DNAH6: variants seen among roughly 807,000 people sequenced by gnomAD.
DNAH6 encodes axonemal beta dynein heavy chain 6.
Under a neutral mutation model 491.4 loss-of-function variants are expected in DNAH6, and 340 were observed. The observed-to-expected ratio is 0.69, with a 90% CI of 0.63 to 0.76. The LOEUF (loss-of-function observed/expected upper bound fraction) is 0.76. Among genes scored for constraint, DNAH6 ranks in the 30% least tolerant of loss-of-function variants. DNAH6 has a pLI of 0.00. For synonymous variants in DNAH6, 1,603 were observed against 1,686.1 expected (o/e 0.95, Z 1.21); for missense variants, 4,443 against 4,972.2 (o/e 0.89, Z 3.20).
At chr2:84,620,045 C>G in intron 24 of DNAH6, 141 bp downstream of exon 24, 1 of 697,934 alleles carries the variant, frequency 1.4e-6, no homozygotes, top group Non-Finnish European at 2.4e-6. Context: ...TCAAAGAGCT[C>G]AAAGTCTAAC....
chr2:84,603,026 A>G (rs1004762105), intron 18 of DNAH6, among the ~76,000 whole-genome samples: 8 of 151,508 alleles, frequency 5.3e-5, no homozygotes, highest in Non-Finnish European at 7.4e-5. Flanking sequence ...TATCTTTTCC[A>G]TTAGAACCTT....
intron 33 of DNAH6, among the ~76,000 whole-genome samples, chr2:84,643,233 A>G (rs1012140327): frequency 1.3e-5 from 2 of 151,642 alleles, no homozygotes; most frequent in Non-Finnish European, 2.9e-5. Flanking sequence ...GTCAAATGTA[A>G]TTCTTATCTT....
chr2:84,664,239 C>T (rs1201921487), intron 37 of DNAH6, among the ~76,000 whole-genome samples: 1 of 152,146 alleles, frequency 6.6e-6, no homozygotes, highest in Non-Finnish European at 1.5e-5. Flanking sequence ...GTCAAATTCA[C>T]ACATAACAAT....
chr2:84,617,656 A>C (rs1452045325), intron 23 of DNAH6, among the ~76,000 whole-genome samples: 1 of 151,754 alleles, frequency 6.6e-6, no homozygotes, highest in South Asian at 2.1e-4. Context: ...TGATCACCCC[A>C]TTGTTTTACT....
At chr2:84,775,060 G>A (rs1309886040) in intron 64 of DNAH6, among the ~76,000 whole-genome samples, 2 of 152,142 alleles carry the variant, frequency 1.3e-5, no homozygotes, top group Non-Finnish European at 2.9e-5. Context: ...GGAGTGATGA[G>A]AGTAGGAATC....
the DNAH6 span, among the ~76,000 whole-genome samples, chr2:84,468,652 A>G: frequency 6.6e-5 from 10 of 152,342 alleles, no homozygotes; most frequent in East Asian, 1.9e-3. Context: ...CTTACTTCGT[A>G]GGTGGGGAAT....
At chr2:84,685,805 T>C (rs938082910) in intron 43 of DNAH6, among the ~76,000 whole-genome samples, 1 of 151,926 alleles carries the variant, frequency 6.6e-6, no homozygotes, top group African/African-American at 2.4e-5. Flanking sequence ...CCAAAATAAA[T>C]AAGTAAATTC....
the DNAH6 span, among the ~76,000 whole-genome samples, chr2:84,470,517 A>G: frequency 6.6e-6 from 1 of 152,176 alleles, no homozygotes; most frequent in Non-Finnish European, 1.5e-5. Flanking sequence ...TGACATCACC[A>G]TGGCATTTGT....
intron 14 of DNAH6, among the ~76,000 whole-genome samples, chr2:84,583,046 G>C (rs904869667): frequency 4.6e-5 from 7 of 152,068 alleles, no homozygotes; most frequent in Middle Eastern, 3.2e-3. Flanking sequence ...GCAGAGTTGC[G>C]GGTAAGGAGC....
At chr2:84,767,672 G>C (rs928275538) in intron 64 of DNAH6, among the ~76,000 whole-genome samples, 4 of 151,992 alleles carry the variant, frequency 2.6e-5, no homozygotes, top group Non-Finnish European at 5.9e-5. Flanking sequence ...GAAGATAAGA[G>C]GCAGAGATAC....
chr2:84,812,380 G>A lies in DNAH6; in HGVS notation c.11779G>A (p.Val3927Met). The change falls in exon 73 of 77, where the codon GTG becomes ATG. Residue 3927 changes from valine to methionine, a missense_variant. Coordinates refer to ENST00000389394, the MANE Select transcript of DNAH6 (RefSeq NM_001370.2). ...ETLNKAIAGF[V>M]VMSEEMEKVY... ...ACTCAACAAAGCCATCGCTGGATTTGTGGTGATGTCTGAAGAAATGGAAAA... is the reference window on the plus strand; with the variant it reads ...ACTCAACAAAGCCATCGCTGGATTTATGGTGATGTCTGAAGAAATGGAAAA... The A allele has an allele frequency of 6.4e-7, 1 of 1,552,050 alleles. No homozygotes were observed. Among genetic ancestry groups the A allele is most frequent in the Non-Finnish European group, 8.7e-7 (1 of 1,147,054 alleles).
rs1417546001 is a variant in DNAH6, at chr2:84,654,687, G to A, written c.5662G>A (p.Ala1888Thr). The A allele has an allele frequency of 5.2e-6, 8 of 1,550,896 alleles. No homozygotes were observed. The highest frequency in any genetic ancestry group is 7.0e-6 in the Non-Finnish European group (8 of 1,146,378). Residue 1888 changes from alanine to threonine, a missense_variant, in exon 35 of 77, where the codon GCA (alanine) becomes ACA (threonine). By Grantham distance (58) the Ala-to-Thr change is moderately conservative (BLOSUM62 0). Coordinates refer to ENST00000389394, the MANE Select transcript of DNAH6 (RefSeq NM_001370.2). Reference protein sequence around the residue: ...EVQDLRVASPATVSRCGMVFV... With the variant: ...EVQDLRVASPTTVSRCGMVFV... The stretch of plus-strand genomic sequence containing the variant: ...GCAAGATCTGCGGGTTGCCTCCCCT[G>A]CAACAGTCAGTCGATGTGGAATGGT...
intron 4 of DNAH6, among the ~76,000 whole-genome samples, chr2:84,536,071 AT>A (rs1423482937): frequency 6.6e-6 from 1 of 152,076 alleles, no homozygotes; most frequent in Non-Finnish European, 1.5e-5. Flanking sequence ...ATTTAAAAAT[AT>A]TGTCAAAATG....
intron 33 of DNAH6, 85 bp from the exon 34 acceptor site, chr2:84,653,234 C>T (rs940483272): frequency 8.9e-7 from 1 of 1,119,588 alleles, no homozygotes; most frequent in African/African-American, 1.6e-5. Flanking sequence ...AACAATAAGA[C>T]TCATAATATT....
intron 21 of DNAH6, among the ~76,000 whole-genome samples, chr2:84,607,771 A>G (rs558925815): frequency 2.0e-5 from 3 of 152,276 alleles, no homozygotes; most frequent in Non-Finnish European, 4.4e-5. Context: ...CTGGTGGAAG[A>G]TCTTGCCTCA....
chr2:84,728,857 A>G (rs1455951719), intron 61 of DNAH6, among the ~76,000 whole-genome samples: 1 of 151,852 alleles, frequency 6.6e-6, no homozygotes, highest in East Asian at 1.9e-4. Flanking sequence ...GAGCCCCCAA[A>G]CCTTGCCTAC....
chr2:84,699,494 T>C (rs935660742), intron 47 of DNAH6, 100 bp from the exon 48 acceptor site: 142 of 1,024,226 alleles, frequency 1.4e-4, no homozygotes, highest in Non-Finnish European at 1.8e-4. Flanking sequence ...GCTGACATTT[T>C]ATATTTGATA....
the DNAH6 span, among the ~76,000 whole-genome samples, chr2:84,476,886 T>G: frequency 1.3e-5 from 2 of 152,218 alleles, no homozygotes; most frequent in Admixed American, 1.3e-4. Flanking sequence ...TTTGTCCTGT[T>G]GTTACCCTGG....
At chr2:84,809,364 T>C (rs1471297330) in intron 72 of DNAH6, among the ~76,000 whole-genome samples, 2 of 152,204 alleles carry the variant, frequency 1.3e-5, no homozygotes, top group African/African-American at 4.8e-5. Flanking sequence ...TTCTGTTCCC[T>C]ATCAGAAAGG....
Sources: allele counts gnomAD v4.1 joint callset (sites outside exome capture counted in the v4.1 genomes callset), GRCh38; gene constraint gnomAD v4.1.1; transcripts MANE v1.5; gene names NCBI Gene and HGNC (gene_info 2026-07-23, HGNC 2026-07-21).